The following TBC1D8 variants were observed in gnomAD, a reference collection of about 807,000 sequenced individuals.
TBC1D8 encodes TBC1 domain family member 8.
TBC1D8 carries 65 observed loss-of-function variants against 118.8 expected under a neutral mutation model. The observed-to-expected ratio is 0.55, with a 90% CI of 0.45 to 0.67. TBC1D8 has a LOEUF of 0.67. Among genes scored for constraint, TBC1D8 ranks in the 30% least tolerant of loss-of-function variants. The pLI is 0.00. For synonymous variants in TBC1D8, 566 were observed against 595.8 expected (o/e 0.95, Z 0.73); for missense variants, 1,376 against 1,471.2 (o/e 0.94, Z 1.06).
chr2:101,103,396 T>A (rs1028333335), intron 1 of TBC1D8, among the ~76,000 whole-genome samples: 2 of 150,194 alleles, frequency 1.3e-5, no homozygotes, highest in African/African-American at 4.9e-5. Context: ...CTTTTTTTTT[T>A]TTTTTCTTTT....
chr2:101,025,288 A>G (rs1368541899), intron 15 of TBC1D8, among the ~76,000 whole-genome samples: 1 of 151,606 alleles, frequency 6.6e-6, no homozygotes, highest in East Asian at 1.9e-4. Context: ...TGCAGTGGCT[A>G]TGATCTTGGC....
At chr2:101,077,309 A>G (rs1674903855) in intron 2 of TBC1D8, among the ~76,000 whole-genome samples, 3 of 139,334 alleles carry the variant, frequency 2.2e-5, no homozygotes, top group Admixed American at 1.5e-4. Flanking sequence ...GTGCAGTGGC[A>G]TGATCTCGGC....
intron 4 of TBC1D8, among the ~76,000 whole-genome samples, chr2:101,053,353 G>A (rs1345279369): frequency 1.3e-5 from 2 of 152,182 alleles, no homozygotes; most frequent in East Asian, 3.8e-4. Flanking sequence ...CTGGCGAGCT[G>A]GAAAAGGAAC....
At chr2:101,033,840 G>A in intron 9 of TBC1D8, 82 bp from the exon 10 acceptor site, 1 of 1,470,662 alleles carries the variant, frequency 6.8e-7, no homozygotes, top group African/African-American at 1.4e-5. Context: ...CCCATCAGGG[G>A]ACCCCAGTGG....
At chr2:101,140,356 T>G (rs1679047527) in intron 1 of TBC1D8, among the ~76,000 whole-genome samples, 1 of 152,160 alleles carries the variant, frequency 6.6e-6, no homozygotes, top group East Asian at 1.9e-4. Context: ...TTTTAAAAGC[T>G]TCTGTAAAAT....
In TBC1D8 at chr2:101,028,341, C is replaced by G. The variant is rs1270069100; in HGVS notation, c.2314G>C (p.Val772Leu). ...FFSDDQEPYP[V>L]TDISDLIRDS... ...CGGATCAGGTCCGAAATATCAGTCA[C>G]AGGGTAGGGCTCCTGGTCGTCGGAG... The change falls in exon 13 of 20, where the codon GTG (valine) becomes CTG (leucine). Residue 772 changes from valine to leucine, a missense_variant. Val to Leu is a conservative substitution (Grantham distance 32, BLOSUM62 1). Transcript: ENST00000409318. 1.2e-6 allele frequency: 2 copies of G among 1,612,844 alleles called. No homozygotes were observed. Among genetic ancestry groups the G allele is most frequent in the Admixed American group, 3.3e-5 (2 of 59,890 alleles).
intron 2 of TBC1D8, among the ~76,000 whole-genome samples, chr2:101,061,820 C>T (rs1682770454): frequency 1.3e-5 from 2 of 152,178 alleles, no homozygotes; most frequent in Non-Finnish European, 2.9e-5. Flanking sequence ...TGTCACAAAG[C>T]CCCTGGCCCT....
At chr2:101,056,118 G>A (rs938220537) in intron 3 of TBC1D8, among the ~76,000 whole-genome samples, 1 of 149,616 alleles carries the variant, frequency 6.7e-6, no homozygotes, top group Non-Finnish European at 1.5e-5. Flanking sequence ...GTATTGTTAT[G>A]AAACCCTGCA....
In TBC1D8 at chr2:101,118,570, A is replaced by G. The variant is rs527402878; in HGVS notation, c.128-28206T>C. 1.4e-3 allele frequency among the ~76,000 whole-genome samples: 210 copies of G among 151,896 alleles called. No individual in the cohort carries two copies. In the South Asian group the frequency reaches 0.016, roughly 11 times the overall value. On this transcript the variant is annotated intron_variant, in intron 1 of 19. Coordinates refer to ENST00000409318, the MANE Select transcript of TBC1D8 (RefSeq NM_001330348.2). ...AAATTAGCCAGGCTTGGTGGCAGGC[A>G]CCTGTAGTCCCAACTACTCGGGAGG...
At chr2:101,008,309 C>T (rs776881006) in intron 19 of TBC1D8, 36 bp from the exon 20 acceptor site, 6 of 1,469,088 alleles carry the variant, frequency 4.1e-6, no homozygotes, top group Non-Finnish European at 3.6e-6. Context: ...GCAGCAGAAC[C>T]AGGGTGGAAG....
chr2:101,102,107 A>G (rs1171616169), intron 1 of TBC1D8, among the ~76,000 whole-genome samples: 1 of 152,112 alleles, frequency 6.6e-6, no homozygotes, highest in Non-Finnish European at 1.5e-5. Context: ...AGAAAGATGC[A>G]ATGAATAGAA....
intron 1 of TBC1D8, among the ~76,000 whole-genome samples, chr2:101,144,112 C>T (rs1679226877): frequency 6.6e-6 from 1 of 152,158 alleles, no homozygotes; most frequent in African/African-American, 2.4e-5. Flanking sequence ...GTACTTGATC[C>T]CCTCAAGATT....
At chr2:101,031,546 G>A (rs1349278870) in intron 11 of TBC1D8, among the ~76,000 whole-genome samples, 1 of 152,194 alleles carries the variant, frequency 6.6e-6, no homozygotes, top group African/African-American at 2.4e-5. Flanking sequence ...ACTAAGAAGA[G>A]TTCTTAAGAG....
In TBC1D8 at chr2:101,140,456, C is replaced by T. The variant is rs201297933; in HGVS notation, c.127+10671G>A. Among the ~76,000 whole-genome samples the T allele has an allele frequency of 2.0e-4, 31 of 152,244 alleles. 1 individual carries two copies. In the East Asian group the frequency reaches 4.6e-3, roughly 23 times the overall value. ...TGACACACAGGCGTCCGGGGAAAAT[C>T]ACGGCCCCTGGGCAATGAGGGGACA... On this transcript the variant is annotated intron_variant, in intron 1 of 19. Coordinates refer to ENST00000409318, the MANE Select transcript of TBC1D8 (RefSeq NM_001330348.2).
intron 1 of TBC1D8, among the ~76,000 whole-genome samples, chr2:101,107,399 T>A (rs1677291945): frequency 6.6e-6 from 1 of 151,590 alleles, no homozygotes; most frequent in Non-Finnish European, 1.5e-5. Flanking sequence ...GAAGATCCAA[T>A]CTCTCTGTGG....
At chr2:101,077,595 A>G (rs1674930754) in intron 2 of TBC1D8, among the ~76,000 whole-genome samples, 1 of 152,090 alleles carries the variant, frequency 6.6e-6, no homozygotes, top group African/African-American at 2.4e-5. Flanking sequence ...TTCACTCACT[A>G]TCTATCCTGA....
intron 17 of TBC1D8, chr2:101,019,077 G>T: frequency 6.3e-7 from 1 of 1,591,460 alleles, no homozygotes; most frequent in Non-Finnish European, 8.6e-7. Context: ...CTTGGGTCTC[G>T]GCTCTTCATT....
At chr2:101,103,815 C>T (rs911813232) in intron 1 of TBC1D8, among the ~76,000 whole-genome samples, 7 of 152,054 alleles carry the variant, frequency 4.6e-5, no homozygotes, top group Admixed American at 2.0e-4. Flanking sequence ...TGTCTTCTTA[C>T]ATCACTCCTA....
intron 17 of TBC1D8, among the ~76,000 whole-genome samples, chr2:101,016,492 C>A (rs1416583171): frequency 6.6e-6 from 1 of 152,174 alleles, no homozygotes; most frequent in Non-Finnish European, 1.5e-5. Flanking sequence ...TAAACTAGTT[C>A]AACCCTTGTG....
Sources: gnomAD v4.1 joint callset for allele counts (sites outside exome capture counted in the v4.1 genomes callset) on GRCh38, gnomAD v4.1.1 for gene constraint, MANE v1.5 for transcripts, NCBI Gene and HGNC (gene_info 2026-07-23, HGNC 2026-07-21) for gene names.